Variants in BRD9 observed in about 807,000 individuals in gnomAD.
The protein encoded by BRD9 is bromodomain-containing protein 9.
A neutral mutation model predicts 68.7 loss-of-function variants in BRD9; 47 were observed. That is an observed-to-expected ratio of 0.68 (90% CI 0.54 to 0.87). The LOEUF is 0.87. BRD9 is among the 40% of genes least tolerant of loss of function. BRD9 has a pLI of 0.00. For missense variants in BRD9, 670 were observed against 748.4 expected, an observed-to-expected ratio of 0.90 and a Z score of 1.22; for synonymous variants, 313 against 293.9, an observed-to-expected ratio of 1.06 and a Z score of -0.67.
rs1751297406 is a variant in BRD9, at chr5:878,378, C to CTCA, written c.1245_1247dup (p.Asp415dup). The CTCA allele has an allele frequency of 6.2e-7, 1 of 1,614,060 alleles. No homozygotes were observed. Among genetic ancestry groups the CTCA allele is most frequent in the East Asian group, 2.2e-5 (1 of 44,904 alleles). On this transcript the variant is annotated inframe_insertion, in exon 11 of 16. Coordinates refer to ENST00000467963, the MANE Select transcript of BRD9 (RefSeq NM_023924.5). ...GCCTCAGCGCACACTGCACGCCTGT[C>CTCA]TCATCTCCGTAGGCTGAGTAGAGCA... is the stretch of plus-strand genomic sequence containing the variant.
intron 15 of BRD9, among the ~76,000 whole-genome samples, chr5:865,152 CA>C (rs1322732662): frequency 1.3e-5 from 2 of 152,346 alleles, no homozygotes; most frequent in African/African-American, 4.8e-5. Context: ...ACAGAGGGCA[CA>C]GGGGTGGACA....
intron 8 of BRD9, chr5:883,216 C>T (rs1752054983): frequency 1.2e-5 from 5 of 419,162 alleles, no homozygotes; most frequent in Admixed American, 7.8e-5. Context: ...TTCTTTACAT[C>T]CCATCCCATG....
chr5:878,204 T>C (rs984503978), intron 11 of BRD9, 151 bp downstream of exon 11: 1 of 1,132,542 alleles, frequency 8.8e-7, no homozygotes, highest in African/African-American at 1.6e-5. Context: ...CCTGTGTGGA[T>C]GACTGAAAGC....
intron 2 of BRD9, 34 bp from the exon 3 acceptor site, chr5:891,321 G>C: frequency 6.5e-7 from 1 of 1,545,978 alleles, no homozygotes; most frequent in Non-Finnish European, 8.7e-7. Flanking sequence ...GAGAAAGGCA[G>C]GAGTAGGCGG....
Position 870,463 on chromosome 5 carries a change from T to TA in BRD9, c.1525+9dup. ...CCAGGTGCTGTGGGAAAGTGCCTGTTACAACTCACCCAGAGAGCTGAGCAT... is the reference window on the plus strand; with the variant it reads ...CCAGGTGCTGTGGGAAAGTGCCTGTTAACAACTCACCCAGAGAGCTGAGCAT... On this transcript the variant is annotated intron_variant, in intron 14 of 15. Coordinates refer to ENST00000467963, the MANE Select transcript of BRD9 (RefSeq NM_023924.5). The TA allele has an allele frequency of 6.2e-7, 1 of 1,608,394 alleles. No individual in the cohort carries two copies. The highest frequency in any genetic ancestry group is 8.5e-7 in the Non-Finnish European group (1 of 1,174,814).
In BRD9 at chr5:891,686, G is replaced by A; in HGVS notation, c.221C>T (p.Ser74Phe). ...KEKKKKKKKK[S>F]EKEKHLDDEE... ...ATCGTCCAGATGCTTCTCCTTCTCG[G>A]ACTTCTTCTTCTTCTTCTTTTTCTT... is the stretch of plus-strand genomic sequence containing the variant. The change falls in exon 2 of 16, where the codon TCC (serine) becomes TTC (phenylalanine). Residue 74 changes from serine (S) to phenylalanine (F), a missense_variant. Ser to Phe is a radical substitution (Grantham distance 155, BLOSUM62 -2). Coordinates refer to ENST00000467963, the MANE Select transcript of BRD9 (RefSeq NM_023924.5). 3 of 1,551,494 alleles carry A rather than the reference G, an allele frequency of 1.9e-6. No individual in the cohort carries two copies. Among genetic ancestry groups the A allele is most frequent in the Non-Finnish European group, 2.6e-6 (3 of 1,146,986 alleles).
intron 5 of BRD9, chr5:888,261 G>A (rs991441606): frequency 3.9e-5 from 6 of 152,378 alleles, no homozygotes; most frequent in African/African-American, 1.4e-4. Context: ...GCCAGACTGG[G>A]GCCCGAAGCA....
chr5:870,336 A>G (rs1749956077), intron 14 of BRD9, 137 bp downstream of exon 14: 1 of 671,190 alleles, frequency 1.5e-6, no homozygotes, highest in Non-Finnish European at 2.6e-6. Flanking sequence ...AACCTGGGAC[A>G]AAGACCAAAT....
chr5:887,197 CAG>C (rs1240158066), intron 6 of BRD9, among the ~76,000 whole-genome samples, 162 bp downstream of exon 6: 2 of 152,226 alleles, frequency 1.3e-5, no homozygotes, highest in Non-Finnish European at 2.9e-5. Flanking sequence ...AGGTCATGAG[CAG>C]AGAGGGCGGC....
intron 14 of BRD9, among the ~76,000 whole-genome samples, chr5:867,395 G>C (rs944217380): frequency 2.6e-5 from 4 of 152,234 alleles, no homozygotes; most frequent in Non-Finnish European, 5.9e-5. Flanking sequence ...CTGGGGCACT[G>C]CCTAGTGGAG....
intron 7 of BRD9, 64 bp downstream of exon 7, chr5:886,528 C>A (rs1038307742): frequency 6.9e-7 from 1 of 1,458,602 alleles, no homozygotes; most frequent in Non-Finnish European, 9.5e-7. Context: ...CCCTACAAGG[C>A]ACCTGCTTTC....
At chr5:867,925 A>G (rs1019003562) in intron 14 of BRD9, among the ~76,000 whole-genome samples, 3 of 152,228 alleles carry the variant, frequency 2.0e-5, no homozygotes, top group African/African-American at 7.2e-5. Context: ...TGAAAAGGAC[A>G]AAAGATTCGA....
chr5:892,414 C>T, intron 1 of BRD9, 192 bp downstream of exon 1: 1 of 1,282,774 alleles, frequency 7.8e-7, no homozygotes, highest in South Asian at 1.6e-5. Context: ...GGAACGTAAG[C>T]GCCTACCCAG....
Position 864,550 on chromosome 5 carries a change from C to G in BRD9, c.1712G>C (p.Ser571Thr), listed in dbSNP as rs375279506. 16 of 1,613,766 alleles carry G rather than the reference C, an allele frequency of 9.9e-6. No homozygotes were observed. Among genetic ancestry groups the G allele is most frequent in the African/African-American group, 2.7e-5 (2 of 74,942 alleles). The change falls in exon 16 of 16, where the codon AGT (serine) becomes ACT (threonine). Residue 571 changes from serine to threonine, a missense_variant. Ser to Thr is a moderately conservative substitution (Grantham distance 58). Coordinates refer to ENST00000467963, the MANE Select transcript of BRD9 (RefSeq NM_023924.5). ...GGTGACGTCTGGCTGCTCCCCGACA[C>G]TCAGGCGAGAAGGGCTTCCTGCAAT... is the stretch of plus-strand genomic sequence containing the variant. Reference protein sequence around the residue: ...QHHLGSPSRLSVGEQPDVTHD... With the variant: ...QHHLGSPSRLTVGEQPDVTHD...
intron 3 of BRD9, among the ~76,000 whole-genome samples, chr5:890,304 T>C (rs2150657213): frequency 6.6e-6 from 1 of 152,298 alleles, no homozygotes; most frequent in South Asian, 2.1e-4. Flanking sequence ...CCTCAGACAG[T>C]TTCTGACGGC....
In BRD9 at chr5:891,852, A is replaced by T; in HGVS notation, c.55T>A (p.Tyr19Asn). 1 of 1,550,186 alleles carries T rather than the reference A, an allele frequency of 6.5e-7. No homozygotes were observed. Among genetic ancestry groups the T allele is most frequent in the Non-Finnish European group, 8.7e-7 (1 of 1,146,696 alleles). ...KAEWRSSYED[Y>N]ADKPLEKPLK... is the part of the protein sequence containing the mutation. ...GGCTTCTCCAGGGGCTTGTCGGCAT[A>T]ATCTGCACAGACACAGACCGAGTTC... The change falls in exon 2 of 16, where the codon TAT becomes AAT. Residue 19 changes from tyrosine (Y) to asparagine (N), a missense_variant and splice_region_variant. Tyr to Asn is a moderately radical substitution (Grantham distance 143, BLOSUM62 -2). Transcript: ENST00000467963.
intron 11 of BRD9, among the ~76,000 whole-genome samples, 179 bp from the exon 12 acceptor site, chr5:876,391 T>C (rs1342842310): frequency 6.6e-6 from 1 of 152,154 alleles, no homozygotes. Context: ...AAGTGGTCCA[T>C]GACCCAAAAA....
chr5:875,661 T>C (rs1013203199), intron 12 of BRD9, among the ~76,000 whole-genome samples: 3 of 152,116 alleles, frequency 2.0e-5, no homozygotes, highest in Admixed American at 6.5e-5. Context: ...TGCTTTTTTA[T>C]AGCAACAATG....
intron 1 of BRD9, 170 bp downstream of exon 1, chr5:892,436 T>C: frequency 1.4e-6 from 2 of 1,388,662 alleles, no homozygotes; most frequent in Non-Finnish European, 1.9e-6. Context: ...ACCCCTCACG[T>C]GTGCCCGGTT....
Sources: allele counts gnomAD v4.1 joint callset (sites outside exome capture counted in the v4.1 genomes callset), GRCh38; gene constraint gnomAD v4.1.1; transcripts MANE v1.5; gene names NCBI Gene and HGNC (gene_info 2026-07-23, HGNC 2026-07-21).